The following FAM120A variants were observed in gnomAD, a reference collection of about 807,000 sequenced individuals.
FAM120A encodes family with sequence similarity 120 member A.
A neutral mutation model predicts 109.7 loss-of-function variants in FAM120A; 15 were observed. The ratio of observed to expected loss-of-function variants is 0.14; its 90% CI spans 0.09 to 0.21. The LOEUF (loss-of-function observed/expected upper bound fraction) is 0.21, where lower values mean the gene tolerates loss of function less well. Among genes scored for constraint, FAM120A ranks in the 10% least tolerant of loss-of-function variants. The pLI is 1.00. For synonymous variants in FAM120A, 493 were observed against 572.8 expected (o/e 0.86, Z 1.99); for missense variants, 899 against 1,439.3 (o/e 0.62, Z 6.07).
intron 11 of FAM120A, among the ~76,000 whole-genome samples, chr9:93,546,031 C>G (rs1408371579): frequency 1.3e-5 from 2 of 151,828 alleles, no homozygotes; most frequent in African/African-American, 4.8e-5. Flanking sequence ...GGTGATCCAC[C>G]CACCTCGGCC....
At chr9:93,560,380 C>G (rs1862429562) in intron 15 of FAM120A, among the ~76,000 whole-genome samples, 1 of 151,912 alleles carries the variant, frequency 6.6e-6, no homozygotes, top group African/African-American at 2.4e-5. Context: ...AACTTCTTTC[C>G]TCTGTTTCTT....
rs186140539 is a variant in FAM120A, at chr9:93,495,646, A to T, written c.805-1825A>T. The stretch of plus-strand genomic sequence containing the variant: ...ACATCCCTTAATCAAAAATACTTTC[A>T]AATGCTATGATCGCTTGAGTCTACA... On this transcript the variant is annotated intron_variant, in intron 3 of 17. Coordinates refer to ENST00000277165, the MANE Select transcript of FAM120A (RefSeq NM_014612.5). Among the ~76,000 whole-genome samples the T allele has an allele frequency of 6.5e-4, 99 of 152,334 alleles. 2 individuals are homozygous for T. In the East Asian group the frequency reaches 0.017, roughly 26 times the overall value.
intron 5 of FAM120A, among the ~76,000 whole-genome samples, chr9:93,501,752 A>G (rs1859812805): frequency 6.6e-6 from 1 of 152,222 alleles, no homozygotes; most frequent in Non-Finnish European, 1.5e-5. Flanking sequence ...GCTTCAGGCA[A>G]GATTGGGAAG....
chr9:93,516,374 T>G (rs1256167067), intron 7 of FAM120A, 105 bp downstream of exon 7: 237 of 1,517,006 alleles, frequency 1.6e-4, no homozygotes, highest in Non-Finnish European at 2.0e-4. Flanking sequence ...AGATGTAGTT[T>G]ATTGCAGGTG....
intron 2 of FAM120A, among the ~76,000 whole-genome samples, chr9:93,474,505 A>G (rs917456167): frequency 2.0e-5 from 3 of 152,106 alleles, no homozygotes; most frequent in Non-Finnish European, 2.9e-5. Flanking sequence ...TCACCCCCCA[A>G]TTTTTCACAG....
At chr9:93,557,784 C>T (rs771281414) in intron 13 of FAM120A, 43 bp from the exon 14 acceptor site, 3 of 1,574,114 alleles carry the variant, frequency 1.9e-6, no homozygotes, top group East Asian at 2.3e-5. Flanking sequence ...CAATTAAAAC[C>T]CCCTGTGGAT....
intron 7 of FAM120A, among the ~76,000 whole-genome samples, chr9:93,526,842 A>T (rs139869203): frequency 6.6e-6 from 1 of 152,350 alleles, no homozygotes; most frequent in African/African-American, 2.4e-5. Flanking sequence ...CGATGGAAAG[A>T]TCCTCCAAGG....
At chr9:93,528,250 A>G (rs991547850) in intron 8 of FAM120A, among the ~76,000 whole-genome samples, 2 of 152,250 alleles carry the variant, frequency 1.3e-5, no homozygotes, top group Non-Finnish European at 2.9e-5. Context: ...TGAATTATCT[A>G]TGAGTTATTC....
At position 93,486,225 on chromosome 9, in the gene FAM120A, C is replaced by T. The variant is rs749933798; in HGVS notation, c.804+9887C>T. ...CCTGGCCTCAAGCATCCTCCCACCT[C>T]GGCCTCCCATAGTCCTGGGATTACA... On this transcript the variant is annotated intron_variant, in intron 3 of 17. Transcript: ENST00000277165. Among the ~76,000 whole-genome samples the T allele has an allele frequency of 7.8e-4, 118 of 152,060 alleles. 1 individual carries two copies. The highest frequency in any genetic ancestry group is 1.0e-3 in the Non-Finnish European group (69 of 67,986).
At chr9:93,534,606 A>T (rs1861447248) in intron 10 of FAM120A, among the ~76,000 whole-genome samples, 1 of 151,642 alleles carries the variant, frequency 6.6e-6, no homozygotes, top group African/African-American at 2.4e-5. Flanking sequence ...ACTTACAGGA[A>T]CTCCCTTCCC....
chr9:93,494,826 C>G (rs1319222218), intron 3 of FAM120A, among the ~76,000 whole-genome samples: 1 of 152,098 alleles, frequency 6.6e-6, no homozygotes, highest in South Asian at 2.1e-4. Flanking sequence ...TTGGAGTGAT[C>G]GAGGACTGGC....
chr9:93,480,413 G>A (rs533938031), intron 3 of FAM120A, among the ~76,000 whole-genome samples: 8 of 152,072 alleles, frequency 5.3e-5, no homozygotes, highest in African/African-American at 9.7e-5. Context: ...GCTGGAGTGC[G>A]ACCTCTGTCT....
chr9:93,483,140 T>G (rs187239133), intron 3 of FAM120A, among the ~76,000 whole-genome samples: 125 of 152,298 alleles, frequency 8.2e-4, no homozygotes, highest in African/African-American at 2.7e-3. Context: ...TCACCTATAT[T>G]GTCATAGCAG....
intron 3 of FAM120A, among the ~76,000 whole-genome samples, chr9:93,485,125 A>G (rs911190526): frequency 3.3e-5 from 5 of 151,762 alleles, no homozygotes; most frequent in Admixed American, 2.6e-4. Flanking sequence ...TTCCCCCTCC[A>G]CTCATGGCAG....
At chr9:93,512,586 G>T (rs183163156) in intron 5 of FAM120A, among the ~76,000 whole-genome samples, 149 of 151,870 alleles carry the variant, frequency 9.8e-4, no homozygotes, top group Middle Eastern at 6.8e-3. Context: ...GAAAGGAAGA[G>T]AGTGAGAAAC....
chr9:93,486,635 G>A (rs1436477408), intron 3 of FAM120A, among the ~76,000 whole-genome samples: 2 of 151,162 alleles, frequency 1.3e-5, no homozygotes, highest in African/African-American at 2.4e-5. Flanking sequence ...CCAGGCTCAA[G>A]TGATTCGCTT....
At chr9:93,559,000 G>T (rs1002579089) in intron 15 of FAM120A, among the ~76,000 whole-genome samples, 1 of 152,088 alleles carries the variant, frequency 6.6e-6, no homozygotes, top group South Asian at 2.1e-4. Context: ...CCTGACCATC[G>T]CCTCGTGTTC....
intron 10 of FAM120A, among the ~76,000 whole-genome samples, chr9:93,542,802 G>T (rs1861753467): frequency 6.6e-6 from 1 of 152,224 alleles, no homozygotes; most frequent in Non-Finnish European, 1.5e-5. Context: ...TATCCATGTA[G>T]AAAGGGATTA....
intron 3 of FAM120A, among the ~76,000 whole-genome samples, chr9:93,483,970 G>A (rs1349885323): frequency 1.3e-5 from 2 of 151,880 alleles, no homozygotes; most frequent in Non-Finnish European, 2.9e-5. Context: ...AATAAAACTG[G>A]AAAGCTTAGA....
Sources: allele counts gnomAD v4.1 joint callset (sites outside exome capture counted in the v4.1 genomes callset), GRCh38; gene constraint gnomAD v4.1.1; transcripts MANE v1.5; gene names NCBI Gene and HGNC (gene_info 2026-07-23, HGNC 2026-07-21).